The following EYS variants were observed in gnomAD, a reference collection of about 807,000 sequenced individuals.
EYS encodes the protein protein eyes shut homolog.
In EYS, 250 loss-of-function variants were observed where a neutral mutation model predicts 282.1. The ratio of observed to expected loss-of-function variants is 0.89; its 90% confidence interval spans 0.80 to 0.98. The LOEUF (loss-of-function observed/expected upper bound fraction) is 0.98. EYS is among the 50% of genes least tolerant of loss of function. The pLI, the probability that EYS is intolerant of heterozygous loss-of-function variation, is 0.00. For missense variants in EYS, 4,016 were observed against 3,709.0 expected (o/e 1.08, Z -2.15); for synonymous variants, 1,355 against 1,282.9 (o/e 1.06, Z -1.20).
intron 19 of EYS, among the ~76,000 whole-genome samples, chr6:64,880,399 T>G (rs577042062): frequency 3.9e-5 from 6 of 152,010 alleles, no homozygotes; most frequent in African/African-American, 1.2e-4. Flanking sequence ...CTTTACTCTC[T>G]TCTTCTAATT....
At chr6:64,838,319 T>C (rs948977243) in intron 19 of EYS, among the ~76,000 whole-genome samples, 9 of 151,894 alleles carry the variant, frequency 5.9e-5, no homozygotes, top group African/African-American at 7.2e-5. Context: ...ATAAGATATA[T>C]TTGCCAAACT....
At chr6:64,333,652 G>A (rs920175900) in intron 29 of EYS, among the ~76,000 whole-genome samples, 2 of 152,114 alleles carry the variant, frequency 1.3e-5, no homozygotes, top group African/African-American at 4.8e-5. Context: ...GATCAGGCAG[G>A]AGCTCTCCTA....
At chr6:65,346,907 T>G (rs1770417464) in intron 9 of EYS, among the ~76,000 whole-genome samples, 1 of 151,902 alleles carries the variant, frequency 6.6e-6, no homozygotes, top group African/African-American at 2.4e-5. Flanking sequence ...CATGCCTTTC[T>G]TTCACCTTAT....
At position 65,141,649 on chromosome 6, in the gene EYS, G is replaced by GTCTGTCTA. The variant is rs1216509536; in HGVS notation, c.2024-83923_2024-83922insTAGACAGA. On this transcript the variant is annotated intron_variant, in intron 12 of 42. Transcript: ENST00000503581. Reference sequence around the variant, plus strand: ...AGTCAGTCTGTCTGTCTGTCTGTCTGTCTATCTATCTATCTATCTATCTAT... The same window carrying GTCTGTCTA: ...AGTCAGTCTGTCTGTCTGTCTGTCTGTCTGTCTATCTATCTATCTATCTATCTATCTAT... 6.0e-3 allele frequency among the ~76,000 whole-genome samples: 784 copies of GTCTGTCTA among 131,288 alleles called. 7 individuals are homozygous for GTCTGTCTA. Among genetic ancestry groups the GTCTGTCTA allele is most frequent in the African/African-American group, 0.022 (669 of 30,876 alleles). 86.1% of individuals were successfully genotyped at this position (131,288 alleles called of 152,430 possible).
chr6:64,435,786 T>C (rs1019333094), intron 28 of EYS, among the ~76,000 whole-genome samples: 3 of 152,034 alleles, frequency 2.0e-5, no homozygotes, highest in African/African-American at 7.2e-5. Flanking sequence ...TTACTCAATC[T>C]GGATTGTGGT....
At chr6:64,587,864 G>A (rs1371910547) in intron 26 of EYS, among the ~76,000 whole-genome samples, 7 of 152,028 alleles carry the variant, frequency 4.6e-5, no homozygotes, top group Admixed American at 4.6e-4. Flanking sequence ...TAAGACTCCA[G>A]AAGCTGACCC....
Position 64,946,148 on chromosome 6 carries a change from G to C in EYS, c.2260-234C>G, listed in dbSNP as rs73767192. Reference sequence around the variant, plus strand: ...AGTAAGTCAATAGATTCTACAGAAGGTATTAAAGATTTATGCATTATGCTC... The same window carrying C: ...AGTAAGTCAATAGATTCTACAGAAGCTATTAAAGATTTATGCATTATGCTC... On this transcript the variant is annotated intron_variant, in intron 14 of 42. Coordinates refer to ENST00000503581, the MANE Select transcript of EYS (RefSeq NM_001142800.2). 0.022 allele frequency among the ~76,000 whole-genome samples: 3,419 copies of C among 151,980 alleles called. 132 individuals are homozygous for C. The highest frequency in any genetic ancestry group is 0.078 in the African/African-American group (3,252 of 41,456).
chr6:65,644,391 A>G (rs1432081074), intron 1 of EYS, among the ~76,000 whole-genome samples: 1 of 152,232 alleles, frequency 6.6e-6, no homozygotes, highest in Non-Finnish European at 1.5e-5. Flanking sequence ...ATAAATGAAC[A>G]AAGCCTACAA....
intron 31 of EYS, among the ~76,000 whole-genome samples, chr6:64,105,930 C>G (rs1361151023): frequency 6.6e-6 from 1 of 152,146 alleles, no homozygotes; most frequent in Non-Finnish European, 1.5e-5. Context: ...TACTTTTAAG[C>G]TATATGTGTC....
chr6:63,949,993 G>A (rs1390792550), intron 35 of EYS, among the ~76,000 whole-genome samples: 2 of 152,086 alleles, frequency 1.3e-5, no homozygotes, highest in African/African-American at 4.8e-5. Flanking sequence ...CCAAGATGGT[G>A]AAACCTCATC....
At chr6:64,814,173 C>T (rs1208867840) in intron 21 of EYS, among the ~76,000 whole-genome samples, 1 of 152,064 alleles carries the variant, frequency 6.6e-6, no homozygotes, top group African/African-American at 2.4e-5. Context: ...TCCAGCATTT[C>T]TGACACCTGT....
At chr6:65,486,143 A>C (rs961334725) in intron 5 of EYS, among the ~76,000 whole-genome samples, 1 of 152,232 alleles carries the variant, frequency 6.6e-6, no homozygotes, top group African/African-American at 2.4e-5. Context: ...CACATAGTTC[A>C]TATTTTGTTT....
intron 30 of EYS, among the ~76,000 whole-genome samples, chr6:64,255,090 T>G (rs988437529): frequency 6.6e-6 from 1 of 151,976 alleles, no homozygotes; most frequent in Non-Finnish European, 1.5e-5. Context: ...TGGAAGGAAG[T>G]GAGGTTTGAA....
At chr6:64,139,800 C>T (rs1774279873) in intron 31 of EYS, among the ~76,000 whole-genome samples, 3 of 151,888 alleles carry the variant, frequency 2.0e-5, no homozygotes, top group African/African-American at 7.3e-5. Context: ...AAAACCCCGT[C>T]TCTACTAAAA....
At chr6:64,492,143 T>A (rs867969325) in intron 26 of EYS, among the ~76,000 whole-genome samples, 1 of 151,198 alleles carries the variant, frequency 6.6e-6, no homozygotes, top group East Asian at 1.9e-4. Context: ...AATAAATCAA[T>A]TTATTAGTTA....
intron 29 of EYS, among the ~76,000 whole-genome samples, chr6:64,366,385 AT>A (rs1772179855): frequency 6.6e-6 from 1 of 152,074 alleles, no homozygotes; most frequent in South Asian, 2.1e-4. Context: ...TGGACTGGCA[AT>A]AGGTGAGAAA....
At chr6:65,270,371 C>T (rs986920632) in intron 12 of EYS, among the ~76,000 whole-genome samples, 4 of 152,132 alleles carry the variant, frequency 2.6e-5, no homozygotes, top group Non-Finnish European at 4.4e-5. Flanking sequence ...TCAGGAGTTA[C>T]ATCTTTATTG....
chr6:65,492,449 T>C (rs1467609183), intron 4 of EYS, among the ~76,000 whole-genome samples: 2 of 152,090 alleles, frequency 1.3e-5, no homozygotes, highest in African/African-American at 4.8e-5. Context: ...TCTATGCAGT[T>C]ATAATAAAAC....
chr6:64,727,679 T>C (rs1771804860), intron 22 of EYS, among the ~76,000 whole-genome samples: 1 of 152,206 alleles, frequency 6.6e-6, no homozygotes, highest in East Asian at 1.9e-4. Flanking sequence ...AAAGAAACCC[T>C]AATTAATTAA....
Sources: gnomAD v4.1 joint callset for allele counts (sites outside exome capture counted in the v4.1 genomes callset) on GRCh38, gnomAD v4.1.1 for gene constraint, MANE v1.5 for transcripts, NCBI Gene and HGNC (gene_info 2026-07-23, HGNC 2026-07-21) for gene names.